The following PIK3R3 variants were observed in gnomAD, a reference collection of about 807,000 sequenced individuals.
The protein encoded by PIK3R3 is phosphatidylinositol 3-kinase regulatory subunit gamma.
PIK3R3 carries 64 observed loss-of-function variants against 62.9 expected under a neutral mutation model. That is an observed-to-expected ratio of 1.02 (90% CI 0.83 to 1.25). The LOEUF (loss-of-function observed/expected upper bound fraction) is 1.25. Ranked by LOEUF, PIK3R3 falls within the 50% of genes most tolerant of loss-of-function variation. The probability of loss-of-function intolerance (pLI) is 0.00; values close to 1 mark genes in which losing one functional copy is unlikely to be tolerated. For missense variants in PIK3R3, 614 were observed against 561.6 expected, an observed-to-expected ratio of 1.09 and a Z score of -0.94; for synonymous variants, 165 against 189.0, an observed-to-expected ratio of 0.87 and a Z score of 1.04.
At chr1:46,073,278 T>C (rs1191136798) in intron 3 of PIK3R3, among the ~76,000 whole-genome samples, 1 of 152,178 alleles carries the variant, frequency 6.6e-6, no homozygotes, top group Non-Finnish European at 1.5e-5. Flanking sequence ...TCTGCTACCC[T>C]GGAATCCAGT....
chr1:46,162,709 C>T, the PIK3R3 span, among the ~76,000 whole-genome samples: 2 of 152,252 alleles, frequency 1.3e-5, no homozygotes, highest in Admixed American at 6.5e-5. Context: ...GCGACTTCCA[C>T]CTCCGAGGTT....
intron 1 of PIK3R3, among the ~76,000 whole-genome samples, chr1:46,108,612 G>T (rs1405286391): frequency 6.6e-6 from 1 of 152,010 alleles, no homozygotes; most frequent in Non-Finnish European, 1.5e-5. Flanking sequence ...TCTCACAATT[G>T]CCCTTTACCA....
At chr1:46,074,074 G>C (rs1045340123) in intron 3 of PIK3R3, among the ~76,000 whole-genome samples, 6 of 148,540 alleles carry the variant, frequency 4.0e-5, no homozygotes, top group African/African-American at 1.5e-4. Flanking sequence ...CGGATCACGA[G>C]GTCAGGAGAT....
chr1:46,087,217 T>A (rs1263017542), intron 1 of PIK3R3, among the ~76,000 whole-genome samples: 1 of 152,144 alleles, frequency 6.6e-6, no homozygotes, highest in African/African-American at 2.4e-5. Context: ...TATACATATG[T>A]AACAAAACTG....
chr1:46,159,704 T>G, the PIK3R3 span, among the ~76,000 whole-genome samples: 356 of 151,442 alleles, frequency 2.4e-3, 1 homozygote, highest in African/African-American at 8.4e-3. Context: ...ATCCCCGTCC[T>G]GCACCTGGTT....
At position 46,131,980 on chromosome 1, in the gene PIK3R3, G is replaced by A. The variant is rs771394487; in HGVS notation, c.-28C>T. On this transcript the variant is annotated 5_prime_UTR_variant, in exon 1 of 10. Coordinates refer to ENST00000262741, the MANE Select transcript of PIK3R3 (RefSeq NM_003629.4). ...CGCTGTCAGGGGCAGGTCGCCAGGA[G>A]ATATATAGAAGGCATATATTTTTTA... is the stretch of plus-strand genomic sequence containing the variant. The A allele has an allele frequency of 1.9e-6, 3 of 1,608,576 alleles. No homozygotes were observed. The highest frequency in any genetic ancestry group is 1.3e-5 in the African/African-American group (1 of 74,338).
In PIK3R3 at chr1:46,041,714, A is replaced by G. The variant is rs891264339; in HGVS notation, c.*1959T>C. The G allele has an allele frequency of 1.5e-5, 3 of 197,522 alleles. No homozygotes were observed. The highest frequency in any genetic ancestry group is 1.2e-4 in the Admixed American group (2 of 16,518). 12.2% of individuals were successfully genotyped at this position (197,522 alleles called of 1,614,324 possible). ...TTATTCAGTAAAACTTTCAGTTAAG[A>G]TTTCAATTGACAGTTTGGGGAAGGG... On this transcript the variant is annotated 3_prime_UTR_variant, in exon 10 of 10. Coordinates refer to ENST00000262741, the MANE Select transcript of PIK3R3 (RefSeq NM_003629.4).
rs148533146 is a variant in PIK3R3, at chr1:46,123,288, C to A, written c.106+8559G>T. The stretch of plus-strand genomic sequence containing the variant: ...GAAGGAAAGGGGACGCAGACAGGCT[C>A]TTGATTTAAAGATGGAGGTGAGACG... On this transcript the variant is annotated intron_variant, in intron 1 of 9. Coordinates refer to ENST00000262741, the MANE Select transcript of PIK3R3 (RefSeq NM_003629.4). 1.5e-3 allele frequency among the ~76,000 whole-genome samples: 222 copies of A among 152,162 alleles called. 4 individuals carry two copies. In the East Asian group the frequency reaches 0.038, roughly 26 times the overall value.
At chr1:46,155,112 G>C in the PIK3R3 span, among the ~76,000 whole-genome samples, 30 of 152,094 alleles carry the variant, frequency 2.0e-4, no homozygotes, top group Non-Finnish European at 1.2e-4. Flanking sequence ...TTGAACCCAG[G>C]AGTTGAAGAC....
At chr1:46,075,246 C>A (rs1421303644) in intron 3 of PIK3R3, among the ~76,000 whole-genome samples, 1 of 152,176 alleles carries the variant, frequency 6.6e-6, no homozygotes, top group Non-Finnish European at 1.5e-5. Context: ...GGGTCCTTAG[C>A]ATTTTTAAGT....
chr1:46,053,339 T>A (rs1647549420), intron 7 of PIK3R3, among the ~76,000 whole-genome samples: 1 of 152,212 alleles, frequency 6.6e-6, no homozygotes, highest in Non-Finnish European at 1.5e-5. Flanking sequence ...CTTTCTGTCT[T>A]CTGTATTTAG....
the PIK3R3 span, among the ~76,000 whole-genome samples, chr1:46,138,125 G>T: frequency 2.0e-5 from 3 of 152,180 alleles, no homozygotes; most frequent in African/African-American, 4.8e-5. Context: ...AAGAGAAACT[G>T]GTTTCATTTT....
chr1:46,140,351 T>C, the PIK3R3 span, among the ~76,000 whole-genome samples: 10 of 152,150 alleles, frequency 6.6e-5, no homozygotes, highest in Non-Finnish European at 4.4e-5. Context: ...CCCACCATTT[T>C]TTTTTTCTGG....
chr1:46,053,889 T>C (rs1047749657), intron 7 of PIK3R3, among the ~76,000 whole-genome samples: 3 of 152,282 alleles, frequency 2.0e-5, no homozygotes, highest in Non-Finnish European at 2.9e-5. Flanking sequence ...TTCAGCTTCA[T>C]GATGTGACCA....
intron 1 of PIK3R3, among the ~76,000 whole-genome samples, chr1:46,088,904 G>C (rs1651343474): frequency 6.7e-6 from 1 of 149,948 alleles, no homozygotes. Flanking sequence ...AGGTCACAAA[G>C]GACTAAAGAA....
At chr1:46,147,421 T>C in the PIK3R3 span, among the ~76,000 whole-genome samples, 1 of 149,658 alleles carries the variant, frequency 6.7e-6, no homozygotes, top group Admixed American at 6.7e-5. Context: ...TCTGTTTTTG[T>C]TGTTATTGTT....
At chr1:46,131,753 C>G (rs1268073959) in intron 1 of PIK3R3, 94 bp downstream of exon 1, 1 of 1,226,620 alleles carries the variant, frequency 8.2e-7, no homozygotes. Flanking sequence ...ACCTAGCGCA[C>G]CCAGGAATAC....
At chr1:46,118,585 T>G (rs1654391491) in intron 1 of PIK3R3, among the ~76,000 whole-genome samples, 1 of 144,420 alleles carries the variant, frequency 6.9e-6, no homozygotes, top group African/African-American at 2.6e-5. Context: ...AGATGGAGTC[T>G]CCCTCTGCCA....
intron 7 of PIK3R3, 143 bp downstream of exon 7, chr1:46,055,652 G>C (rs1647815321): frequency 1.6e-6 from 1 of 625,966 alleles, no homozygotes; most frequent in Admixed American, 3.1e-5. Context: ...CAACTACCAA[G>C]GACACTTTCC....
Sources: allele counts gnomAD v4.1 joint callset (sites outside exome capture counted in the v4.1 genomes callset), GRCh38; gene constraint gnomAD v4.1.1; transcripts MANE v1.5; gene names NCBI Gene and HGNC (gene_info 2026-07-23, HGNC 2026-07-21).